Variants in GRID1 observed in about 807,000 individuals in gnomAD.
GRID1 encodes the protein glutamate receptor ionotropic, delta-1.
In GRID1, 28 loss-of-function variants were observed where a neutral mutation model predicts 98.0. The observed-to-expected ratio is 0.29, with a 90% CI of 0.21 to 0.39. GRID1 has a LOEUF of 0.39. GRID1 is among the 10% of genes least tolerant of loss of function. The probability of loss-of-function intolerance (pLI) is 1.00; values close to 1 mark genes in which losing one functional copy is unlikely to be tolerated. For synonymous variants in GRID1, 553 were observed against 538.5 expected (o/e 1.03, Z -0.37); for missense variants, 1,111 against 1,340.5 (o/e 0.83, Z 2.67).
intron 8 of GRID1, among the ~76,000 whole-genome samples, chr10:85,843,438 T>C (rs1842978710): frequency 6.6e-6 from 1 of 152,060 alleles, no homozygotes; most frequent in Non-Finnish European, 1.5e-5. Context: ...TTGATACACT[T>C]AGCCTCATTA....
intron 4 of GRID1, among the ~76,000 whole-genome samples, chr10:86,123,365 C>T (rs1379344678): frequency 6.6e-6 from 1 of 152,198 alleles, no homozygotes. Flanking sequence ...TGTCCCATAT[C>T]ACTATCTCCC....
At chr10:85,933,997 G>T (rs1467181940) in intron 4 of GRID1, among the ~76,000 whole-genome samples, 1 of 152,182 alleles carries the variant, frequency 6.6e-6, no homozygotes, top group Non-Finnish European at 1.5e-5. Context: ...TAGGCTGAGG[G>T]TTTCCTAGGT....
chr10:86,273,417 G>T (rs1202141165), intron 2 of GRID1, among the ~76,000 whole-genome samples: 8 of 147,956 alleles, frequency 5.4e-5, no homozygotes, highest in African/African-American at 2.0e-4. Context: ...TAGTCCTTTG[G>T]GTATATACCC....
intron 8 of GRID1, among the ~76,000 whole-genome samples, chr10:85,824,876 A>G (rs1025413301): frequency 6.6e-6 from 1 of 152,214 alleles, no homozygotes; most frequent in East Asian, 1.9e-4. Flanking sequence ...AAAAGACATT[A>G]TTTTATTCTC....
chr10:85,602,493 T>C lies in GRID1; in HGVS notation c.2810A>G (p.His937Arg), dbSNP rs757832275. The C allele has an allele frequency of 4.3e-6, 7 of 1,614,048 alleles. No individual in the cohort carries two copies. Among genetic ancestry groups the C allele is most frequent in the Non-Finnish European group, 3.4e-6 (4 of 1,180,004 alleles). The stretch of plus-strand genomic sequence containing the variant: ...TGATGAGAGTGTCCGGCTGGTGCCA[T>C]GGCTGCTCTGCTCTGGCAGAAAGGT... ...VSTFLPEQSS[H>R]GTSRTLSSGP... Residue 937 changes from histidine to arginine, a missense_variant, in exon 16 of 16, where the codon CAT becomes CGT. Transcript: ENST00000327946.
intron 5 of GRID1, among the ~76,000 whole-genome samples, chr10:85,886,733 T>G (rs1425749876): frequency 6.6e-6 from 1 of 152,212 alleles, no homozygotes; most frequent in East Asian, 1.9e-4. Flanking sequence ...AATAAAATAG[T>G]AAGGATCTCT....
At chr10:85,830,602 A>C (rs1365244660) in intron 8 of GRID1, among the ~76,000 whole-genome samples, 15 of 152,122 alleles carry the variant, frequency 9.9e-5, no homozygotes. Context: ...ATCTGTAAGG[A>C]ACTTAAATGA....
chr10:85,709,115 T>A (rs1015864125), intron 12 of GRID1: 1 of 337,442 alleles, frequency 3.0e-6, no homozygotes, highest in East Asian at 8.6e-5. Context: ...GACTTTGAGA[T>A]GGTATACCAG....
At chr10:86,354,767 T>G (rs1269118930) in intron 2 of GRID1, among the ~76,000 whole-genome samples, 1 of 152,108 alleles carries the variant, frequency 6.6e-6, no homozygotes, top group Non-Finnish European at 1.5e-5. Flanking sequence ...CTCTATGCAC[T>G]CAGAGCAGAC....
At chr10:85,954,135 G>A (rs1842159562) in intron 4 of GRID1, among the ~76,000 whole-genome samples, 1 of 152,140 alleles carries the variant, frequency 6.6e-6, no homozygotes, top group African/African-American at 2.4e-5. Context: ...ACATAAAATG[G>A]TGGAAAGAAG....
chr10:85,947,165 G>A (rs949490470), intron 4 of GRID1, among the ~76,000 whole-genome samples: 2 of 152,138 alleles, frequency 1.3e-5, no homozygotes, highest in African/African-American at 4.8e-5. Flanking sequence ...ACACAGAAGG[G>A]GAAGTGCAAA....
rs77128399 is a variant in GRID1 at position 86,136,092 on chromosome 10, G to A, written c.726+2727C>T. 4.6e-5 allele frequency among the ~76,000 whole-genome samples: 7 copies of A among 152,266 alleles called. No homozygotes were observed. The East Asian group carries it at 7.7e-4, about 17-fold the overall frequency. On this transcript the variant is annotated intron_variant, in intron 4 of 15. Transcript: ENST00000327946. Reference sequence around the variant, plus strand: ...GCAGTGTGTCATCCTTGTGAACATCGTTTGTCCTTGTCACAACAAAGAGGA... The same window carrying A: ...GCAGTGTGTCATCCTTGTGAACATCATTTGTCCTTGTCACAACAAAGAGGA...
intron 8 of GRID1, among the ~76,000 whole-genome samples, chr10:85,833,360 C>T (rs527838738): frequency 1.3e-5 from 2 of 152,226 alleles, no homozygotes; most frequent in East Asian, 1.9e-4. Context: ...TTGGGAATCA[C>T]AAAGAAAGAT....
chr10:85,647,167 A>C, intron 13 of GRID1, 35 bp downstream of exon 13: 1 of 1,568,568 alleles, frequency 6.4e-7, no homozygotes, highest in Non-Finnish European at 8.8e-7. Context: ...TGGCCCTGTT[A>C]CAGTGCACGT....
chr10:85,766,804 T>A (rs1842202635), intron 8 of GRID1, among the ~76,000 whole-genome samples: 2 of 151,860 alleles, frequency 1.3e-5, no homozygotes, highest in South Asian at 2.1e-4. Flanking sequence ...GTTTTTCATG[T>A]TTTTTAGTAT....
intron 4 of GRID1, among the ~76,000 whole-genome samples, chr10:86,102,857 C>G (rs1844318666): frequency 6.6e-6 from 1 of 152,084 alleles, no homozygotes; most frequent in Non-Finnish European, 1.5e-5. Flanking sequence ...TGGGAGGCAC[C>G]CAGTGGGAGG....
chr10:85,838,512 T>C (rs1842932129), intron 8 of GRID1, among the ~76,000 whole-genome samples: 1 of 152,152 alleles, frequency 6.6e-6, no homozygotes, highest in Non-Finnish European at 1.5e-5. Context: ...ATATTCAACA[T>C]TCTTAAAGAA....
chr10:86,258,175 G>A (rs532218357), intron 2 of GRID1, among the ~76,000 whole-genome samples: 2 of 152,286 alleles, frequency 1.3e-5, no homozygotes, highest in East Asian at 3.9e-4. Flanking sequence ...CATGAGAATA[G>A]CCAACCCTAA....
intron 4 of GRID1, among the ~76,000 whole-genome samples, chr10:86,036,738 G>A (rs1350380308): frequency 4.6e-5 from 7 of 152,118 alleles, no homozygotes; most frequent in Non-Finnish European, 1.0e-4. Context: ...AGGAGTGGAC[G>A]GGGACTTCCA....
Sources: gnomAD v4.1 joint callset for allele counts (sites outside exome capture counted in the v4.1 genomes callset) on GRCh38, gnomAD v4.1.1 for gene constraint, MANE v1.5 for transcripts, NCBI Gene and HGNC (gene_info 2026-07-23, HGNC 2026-07-21) for gene names.